CAMK2D: variants seen among roughly 807,000 people sequenced by gnomAD.
The protein encoded by CAMK2D is calcium/calmodulin dependent protein kinase II delta.
Under a neutral mutation model 84.0 loss-of-function variants are expected in CAMK2D, and 37 were observed. The ratio of observed to expected loss-of-function variants is 0.44; its 90% CI spans 0.34 to 0.58. The LOEUF (loss-of-function observed/expected upper bound fraction) is 0.58, where lower values mean the gene tolerates loss of function less well. CAMK2D is among the 20% of genes least tolerant of loss of function. CAMK2D has a pLI of 0.02. For synonymous variants in CAMK2D, 202 were observed against 212.5 expected (o/e 0.95, Z 0.43); for missense variants, 448 against 652.5 (o/e 0.69, Z 3.41).
intron 2 of CAMK2D, among the ~76,000 whole-genome samples, chr4:113,752,008 A>T (rs2099618463): frequency 6.6e-6 from 1 of 152,010 alleles, no homozygotes; most frequent in South Asian, 2.1e-4. Flanking sequence ...TCCATGAATG[A>T]CTGGCCCACT....
chr4:113,591,098 T>G (rs1371969444), intron 4 of CAMK2D, among the ~76,000 whole-genome samples: 1 of 152,174 alleles, frequency 6.6e-6, no homozygotes, highest in African/African-American at 2.4e-5. Flanking sequence ...TCTGCTTGTT[T>G]GTCAAGTCAC....
intron 7 of CAMK2D, among the ~76,000 whole-genome samples, chr4:113,533,992 T>G (rs751010291): frequency 3.9e-5 from 6 of 152,084 alleles, no homozygotes; most frequent in Non-Finnish European, 7.4e-5. Context: ...TTATTTGTAA[T>G]GGACCTCGTA....
At chr4:113,638,812 G>C (rs1344956685) in intron 3 of CAMK2D, among the ~76,000 whole-genome samples, 1 of 152,116 alleles carries the variant, frequency 6.6e-6, no homozygotes, top group African/African-American at 2.4e-5. Flanking sequence ...AGACATGTTA[G>C]GGAGACAATT....
intron 16 of CAMK2D, among the ~76,000 whole-genome samples, chr4:113,474,498 CTTTTTTTTT>C (rs70961831): frequency 2.6e-4 from 23 of 89,838 alleles, no homozygotes; most frequent in African/African-American, 8.1e-4. Context: ...CCTTTTTGGC[CTTTTTTTTT>C]TTTTTTTTTT....
chr4:113,616,280 A>G (rs927324085), intron 3 of CAMK2D, among the ~76,000 whole-genome samples: 5 of 152,148 alleles, frequency 3.3e-5, no homozygotes, highest in Admixed American at 1.3e-4. Context: ...AAAGTACACA[A>G]AGAAAGTTAC....
intron 13 of CAMK2D, among the ~76,000 whole-genome samples, chr4:113,505,685 T>C (rs1278017008): frequency 6.6e-6 from 1 of 152,202 alleles, no homozygotes; most frequent in Non-Finnish European, 1.5e-5. Context: ...AGGAAAATAC[T>C]ACATTTTCTG....
At chr4:113,672,862 G>T (rs1215216332) in intron 2 of CAMK2D, among the ~76,000 whole-genome samples, 2 of 152,070 alleles carry the variant, frequency 1.3e-5, no homozygotes, top group Middle Eastern at 3.2e-3. Context: ...AAATGAAATT[G>T]TGTATCCCAT....
At chr4:113,558,105 G>A (rs1179947839) in intron 4 of CAMK2D, among the ~76,000 whole-genome samples, 1 of 151,946 alleles carries the variant, frequency 6.6e-6, no homozygotes, top group African/African-American at 2.4e-5. Context: ...ACCCAGAGTT[G>A]GGCAACAATA....
At chr4:113,500,290 T>C (rs1467703028) in intron 16 of CAMK2D, among the ~76,000 whole-genome samples, 173 bp downstream of exon 16, 1 of 152,128 alleles carries the variant, frequency 6.6e-6, no homozygotes, top group Admixed American at 6.6e-5. Context: ...AAAAGTAACA[T>C]ATTGTTGAAA....
intron 2 of CAMK2D, among the ~76,000 whole-genome samples, chr4:113,712,696 C>T (rs1451717670): frequency 6.6e-5 from 10 of 151,358 alleles, no homozygotes; most frequent in African/African-American, 9.7e-5. Context: ...AGTTTTATCA[C>T]GTAAAAAATA....
At chr4:113,532,529 T>C (rs989112096) in intron 7 of CAMK2D, among the ~76,000 whole-genome samples, 5 of 152,176 alleles carry the variant, frequency 3.3e-5, no homozygotes, top group African/African-American at 9.7e-5. Flanking sequence ...AGGAGTGATA[T>C]GCACTCTGTG....
rs146695191 is a variant in CAMK2D at position 113,589,182 on chromosome 4, G to A, written c.275+19970C>T. On this transcript the variant is annotated intron_variant, in intron 4 of 20. Transcript: ENST00000511664. ...GTGGCAATGGAGTGTTTTGAGCAGAGGAGTGGCATGCTCTTGGAATTTGAT... is the reference window on the plus strand; with the variant it reads ...GTGGCAATGGAGTGTTTTGAGCAGAAGAGTGGCATGCTCTTGGAATTTGAT... Among the ~76,000 whole-genome samples, 539 of 152,234 alleles carry A rather than the reference G, an allele frequency of 3.5e-3. 3 individuals are homozygous for A. Among genetic ancestry groups the A allele is most frequent in the African/African-American group, 0.012 (504 of 41,540 alleles).
intron 8 of CAMK2D, among the ~76,000 whole-genome samples, chr4:113,525,583 A>T (rs2098410640): frequency 6.6e-6 from 1 of 152,188 alleles, no homozygotes; most frequent in African/African-American, 2.4e-5. Flanking sequence ...TCTGTGTGCG[A>T]TCACAAAAGC....
chr4:113,701,973 C>T (rs2099419068), intron 2 of CAMK2D, among the ~76,000 whole-genome samples: 1 of 152,078 alleles, frequency 6.6e-6, no homozygotes, highest in Admixed American at 6.6e-5. Context: ...AGTGGTGACA[C>T]TATAGATGTG....
chr4:113,513,270 CAG>C lies in CAMK2D; in HGVS notation c.946+56_946+57del, dbSNP rs3216924. Reference sequence around the variant, plus strand: ...TTTTAAAATTCCAGAGACAAAAAAACAGAGACTACTTAAAAAGAAGACCAAGG... The same window carrying C: ...TTTTAAAATTCCAGAGACAAAAAAACAGACTACTTAAAAAGAAGACCAAGG... On this transcript the variant is annotated intron_variant, in intron 12 of 20. Transcript: ENST00000511664. The C allele has an allele frequency of 2.0e-3, 3,167 of 1,582,938 alleles. 30 individuals carry two copies. In the East Asian group the frequency reaches 0.025, roughly 13 times the overall value.
At chr4:113,552,229 GAC>G (rs1560915215) in intron 4 of CAMK2D, 133 bp from the exon 5 acceptor site, 1 of 533,536 alleles carries the variant, frequency 1.9e-6, no homozygotes, top group Non-Finnish European at 3.4e-6. Context: ...TAAAACATGA[GAC>G]AGTGTTCGTA....
At chr4:113,712,505 T>C (rs1287357157) in intron 2 of CAMK2D, among the ~76,000 whole-genome samples, 2 of 152,102 alleles carry the variant, frequency 1.3e-5, no homozygotes, top group Non-Finnish European at 2.9e-5. Context: ...GCAAAAGCTA[T>C]ATACCATTAC....
intron 4 of CAMK2D, among the ~76,000 whole-genome samples, chr4:113,599,255 T>C (rs913924267): frequency 4.6e-5 from 7 of 152,292 alleles, no homozygotes; most frequent in African/African-American, 1.7e-4. Flanking sequence ...CAAAATGGTA[T>C]AGCCACTTAA....
At chr4:113,678,234 C>T (rs1255219776) in intron 2 of CAMK2D, among the ~76,000 whole-genome samples, 1 of 152,144 alleles carries the variant, frequency 6.6e-6, no homozygotes, top group Non-Finnish European at 1.5e-5. Context: ...AGAAGCTGAA[C>T]AGCAGAGAAA....
Sources: allele counts gnomAD v4.1 joint callset (sites outside exome capture counted in the v4.1 genomes callset), GRCh38; gene constraint gnomAD v4.1.1; transcripts MANE v1.5; gene names NCBI Gene and HGNC (gene_info 2026-07-23, HGNC 2026-07-21).